AASS: variants seen among roughly 807,000 people sequenced by gnomAD.
AASS encodes alpha-aminoadipic semialdehyde synthase, mitochondrial.
A neutral mutation model predicts 105.4 loss-of-function variants in AASS; 86 were observed. That is an observed-to-expected ratio of 0.82 (90% confidence interval 0.69 to 0.98). The LOEUF is 0.98. AASS is among the 50% of genes least tolerant of loss of function. The pLI, the probability that AASS is intolerant of heterozygous loss-of-function variation, is 0.00. For missense variants in AASS, 1,048 were observed against 1,143.2 expected (o/e 0.92, Z 1.20); for synonymous variants, 381 against 394.8 (o/e 0.96, Z 0.41).
At chr7:122,087,687 C>A (rs1009009543) in intron 18 of AASS, among the ~76,000 whole-genome samples, 2 of 152,156 alleles carry the variant, frequency 1.3e-5, no homozygotes, top group South Asian at 4.1e-4. Flanking sequence ...CACAGCAAGA[C>A]ACCATCTCTT....
At chr7:122,126,299 C>T (rs991045814) in intron 4 of AASS, 76 bp downstream of exon 4, 32 of 1,310,034 alleles carry the variant, frequency 2.4e-5, no homozygotes, top group East Asian at 1.4e-4. Context: ...ATCCCCTTGC[C>T]GCAGAAAAGA....
At chr7:122,111,138 C>T (rs1007461837) in intron 11 of AASS, among the ~76,000 whole-genome samples, 1 of 152,030 alleles carries the variant, frequency 6.6e-6, no homozygotes, top group Non-Finnish European at 1.5e-5. Flanking sequence ...CAAATTGACC[C>T]AGAAAGTTGG....
At chr7:122,081,771 A>G (rs1584809057) in intron 19 of AASS, 176 bp from the exon 20 acceptor site, 4 of 601,372 alleles carry the variant, frequency 6.7e-6, no homozygotes, top group Non-Finnish European at 1.2e-5. Flanking sequence ...TGTCTTTACT[A>G]GAAACCCCTC....
At position 122,118,596 on chromosome 7, in the gene AASS, C is replaced by T. The variant is rs764308476; in HGVS notation, c.507G>A (p.Arg169=). 1 of 1,613,854 alleles carries T rather than the reference C, an allele frequency of 6.2e-7. No homozygotes were observed. The highest frequency in any genetic ancestry group is 1.7e-5 in the Admixed American group (1 of 59,978). ...MINILHGMGL[R]LLALGHHTPF... ...GTGTGTGATGTCCCAAAGCAAGGAG[C>T]CTTAAACCCATTCCATGTAAAATGT... Residue 169 remains arginine (R), a synonymous_variant, in exon 5 of 24, where the codon AGG becomes AGA. Coordinates refer to ENST00000417368, the MANE Select transcript of AASS (RefSeq NM_005763.4).
intron 1 of AASS, among the ~76,000 whole-genome samples, chr7:122,134,244 A>C (rs1309999092): frequency 1.3e-5 from 2 of 152,232 alleles, no homozygotes; most frequent in African/African-American, 2.4e-5. Flanking sequence ...CCCTAGTGTC[A>C]GTCAGTGAAC....
In AASS at chr7:122,081,669, G is replaced by T. The variant is rs1038436298; in HGVS notation, c.2185-74C>A. The stretch of plus-strand genomic sequence containing the variant: ...AAAAAACTTAAAATATTTTTGAAAA[G>T]AGGGATATATCTTTGTAACTAATTT... On this transcript the variant is annotated intron_variant, in intron 19 of 23. Transcript: ENST00000417368. The T allele has an allele frequency of 9.9e-6, 10 of 1,005,104 alleles. No individual in the cohort carries two copies. The African/African-American group carries it at 1.6e-4, about 16-fold the overall frequency. The allele number at this position is 1,005,104 out of a possible 1,614,324, so 62.3% of individuals were successfully genotyped here. A position where few individuals can be genotyped will look rare whatever the true frequency, so the allele number is the denominator to read the frequency against.
At chr7:122,136,200 G>T (rs955961006) in intron 1 of AASS, among the ~76,000 whole-genome samples, 2 of 152,178 alleles carry the variant, frequency 1.3e-5, no homozygotes, top group African/African-American at 4.8e-5. Flanking sequence ...CCAGCTTGAT[G>T]GATGGGGAAG....
intron 13 of AASS, among the ~76,000 whole-genome samples, chr7:122,099,806 C>T (rs1794341763): frequency 6.6e-6 from 1 of 151,748 alleles, no homozygotes; most frequent in Non-Finnish European, 1.5e-5. Context: ...TAAAAAATTC[C>T]TGTCCTTCTG....
At chr7:122,123,764 C>T (rs985218528) in intron 4 of AASS, among the ~76,000 whole-genome samples, 2 of 152,218 alleles carry the variant, frequency 1.3e-5, no homozygotes, top group Admixed American at 6.5e-5. Flanking sequence ...ATTCCACCAT[C>T]CCTAGACTTC....
chr7:122,140,288 G>A (rs1296864097), intron 1 of AASS, among the ~76,000 whole-genome samples: 1 of 151,476 alleles, frequency 6.6e-6, no homozygotes, highest in Non-Finnish European at 1.5e-5. Context: ...GGTCGAGACC[G>A]TCCTGGCTGA....
At chr7:122,102,042 A>T (rs1326163154) in intron 11 of AASS, among the ~76,000 whole-genome samples, 1 of 151,778 alleles carries the variant, frequency 6.6e-6, no homozygotes, top group African/African-American at 2.4e-5. Flanking sequence ...AAGGGCCTCT[A>T]CTCCATTCCA....
chr7:122,133,031 C>G (rs1795980941), intron 2 of AASS, among the ~76,000 whole-genome samples: 1 of 152,068 alleles, frequency 6.6e-6, no homozygotes, highest in African/African-American at 2.4e-5. Flanking sequence ...ATGGCTTATT[C>G]TGAGGAGATG....
At chr7:122,096,557 G>A (rs1355569714) in intron 15 of AASS, among the ~76,000 whole-genome samples, 2 of 151,998 alleles carry the variant, frequency 1.3e-5, no homozygotes, top group African/African-American at 4.8e-5. Context: ...GAGTCTGGGA[G>A]GTGAAGGTTG....
chr7:122,100,241 G>C (rs113352009), intron 13 of AASS, among the ~76,000 whole-genome samples: 2 of 151,958 alleles, frequency 1.3e-5, no homozygotes, highest in African/African-American at 4.8e-5. Context: ...ACACATAAGA[G>C]AGAAGATATC....
intron 8 of AASS, among the ~76,000 whole-genome samples, chr7:122,116,297 C>T (rs1795169222): frequency 6.6e-6 from 1 of 152,156 alleles, no homozygotes; most frequent in Non-Finnish European, 1.5e-5. Flanking sequence ...ACGTCATAGG[C>T]ATTATGCTCT....
At chr7:122,082,879 A>G (rs1420135781) in intron 19 of AASS, 1 of 1,288,488 alleles carries the variant, frequency 7.8e-7, no homozygotes, top group Non-Finnish European at 1.0e-6. Context: ...TCCATTATTC[A>G]GCATTCCAAT....
chr7:122,104,960 C>T (rs1279707344), intron 11 of AASS, among the ~76,000 whole-genome samples: 2 of 151,958 alleles, frequency 1.3e-5, no homozygotes, highest in Non-Finnish European at 2.9e-5. Flanking sequence ...AAAATAAGCT[C>T]TCACTATATG....
At chr7:122,094,979 A>T (rs1344455476) in intron 15 of AASS, among the ~76,000 whole-genome samples, 1 of 152,086 alleles carries the variant, frequency 6.6e-6, no homozygotes, top group African/African-American at 2.4e-5. Context: ...AATCCAAATT[A>T]TACCTGCCTC....
intron 4 of AASS, among the ~76,000 whole-genome samples, 160 bp downstream of exon 4, chr7:122,126,215 A>G (rs749316579): frequency 6.6e-6 from 1 of 152,028 alleles, no homozygotes; most frequent in Non-Finnish European, 1.5e-5. Flanking sequence ...TTATCTTCAT[A>G]CTTTATTCCA....
Sources: gnomAD v4.1 joint callset for allele counts (sites outside exome capture counted in the v4.1 genomes callset) on GRCh38, gnomAD v4.1.1 for gene constraint, MANE v1.5 for transcripts, NCBI Gene and HGNC (gene_info 2026-07-23, HGNC 2026-07-21) for gene names.